ZFHX3: variants seen among roughly 807,000 people sequenced by gnomAD.
ZFHX3 encodes the protein zinc finger homeobox 3, also known as zinc finger homeobox protein 3.
A neutral mutation model predicts 279.1 loss-of-function variants in ZFHX3; 42 were observed. That is an observed-to-expected ratio of 0.15 (90% CI 0.12 to 0.19). The LOEUF (loss-of-function observed/expected upper bound fraction) is 0.19. ZFHX3 is among the 10% of genes least tolerant of loss of function. ZFHX3 has a pLI of 1.00. For synonymous variants in ZFHX3, 2,293 were observed against 1,957.8 expected (o/e 1.17, Z -4.52); for missense variants, 4,981 against 4,754.0 (o/e 1.05, Z -1.40).
At chr16:73,105,364 T>TATACACACACACACATATATATATATAC (rs765197468) in intron 7 of ZFHX3, among the ~76,000 whole-genome samples, 1 of 76,906 alleles carries the variant, frequency 1.3e-5, no homozygotes, top group East Asian at 3.1e-4. Context: ...CACATATATA[T>TATACACACACACACATATATATATATAC]ACACACATAT....
In ZFHX3 at chr16:73,784,796, A is replaced by AATATATAT. The variant is rs1555501447; in HGVS notation, c.-1607-104564_-1607-104557dup. Among the ~76,000 whole-genome samples, 139 of 131,092 alleles carry AATATATAT rather than the reference A, an allele frequency of 1.1e-3. 1 individual carries two copies. Among genetic ancestry groups the AATATATAT allele is most frequent in the Middle Eastern group, 3.8e-3 (1 of 260 alleles). 86.0% of individuals were successfully genotyped at this position (131,092 alleles called of 152,430 possible). On this transcript the variant is annotated intron_variant, in intron 1 of 17. Transcript: ENST00000641206. ...CTATTTTTAACAAAATAAAAAAAAA[A>AATATATAT]ATATATATATATATATATATACACA...
At chr16:73,642,620 C>A (rs1468020328) in intron 2 of ZFHX3, among the ~76,000 whole-genome samples, 2 of 152,116 alleles carry the variant, frequency 1.3e-5, no homozygotes, top group Admixed American at 1.3e-4. Flanking sequence ...TGGTGTGTTC[C>A]TTTATGTGTT....
At chr16:73,615,316 G>C (rs1030340902) in intron 2 of ZFHX3, among the ~76,000 whole-genome samples, 1 of 152,078 alleles carries the variant, frequency 6.6e-6, no homozygotes, top group Non-Finnish European at 1.5e-5. Context: ...ACAGGGCTTG[G>C]TCAGGGGTAA....
chr16:73,728,637 T>C (rs1170094135), intron 1 of ZFHX3, among the ~76,000 whole-genome samples: 1 of 152,144 alleles, frequency 6.6e-6, no homozygotes, highest in African/African-American at 2.4e-5. Flanking sequence ...TGCATTCAGT[T>C]AGAGCTAAAA....
chr16:73,846,705 G>A lies in ZFHX3; in HGVS notation c.-1608+44946C>T, dbSNP rs184969463. ...GAAAACGTGTGATATTCCTACGGTG[G>A]AAGCTCAGGCCTCTCATTCTCAGAG... On this transcript the variant is annotated intron_variant, in intron 1 of 17. Transcript: ENST00000641206. Among the ~76,000 whole-genome samples the A allele has an allele frequency of 1.4e-4, 22 of 152,260 alleles. No homozygotes were observed. The East Asian group carries it at 4.2e-3, about 29-fold the overall frequency.
intron 7 of ZFHX3, among the ~76,000 whole-genome samples, chr16:72,802,029 A>G (rs1443976427): frequency 6.6e-6 from 1 of 152,122 alleles, no homozygotes; most frequent in Non-Finnish European, 1.5e-5. Context: ...ATAAAAAAAA[A>G]GCCCTACAGA....
chr16:72,839,865 C>G (rs527883905), intron 4 of ZFHX3, among the ~76,000 whole-genome samples: 2 of 152,272 alleles, frequency 1.3e-5, no homozygotes, highest in East Asian at 3.9e-4. Flanking sequence ...TTCAACAGAG[C>G]AGACCTGCCT....
At chr16:73,699,540 C>G (rs1388567251) in intron 1 of ZFHX3, among the ~76,000 whole-genome samples, 1 of 152,166 alleles carries the variant, frequency 6.6e-6, no homozygotes, top group Non-Finnish European at 1.5e-5. Context: ...CTGTCAATAT[C>G]TATCCAGGGA....
chr16:72,883,020 G>A (rs1314377017), intron 4 of ZFHX3, among the ~76,000 whole-genome samples: 3 of 147,338 alleles, frequency 2.0e-5, no homozygotes, highest in African/African-American at 7.5e-5. Flanking sequence ...GTGTGTGTGT[G>A]TGTGTGTGTG....
chr16:73,295,774 T>TG (rs2014893981), intron 4 of ZFHX3, among the ~76,000 whole-genome samples: 1 of 152,084 alleles, frequency 6.6e-6, no homozygotes, highest in Non-Finnish European at 1.5e-5. Context: ...GTCAAGGGAC[T>TG]GGGGGGACAA....
chr16:72,996,647 C>T (rs1045912730), intron 1 of ZFHX3, among the ~76,000 whole-genome samples: 2 of 152,238 alleles, frequency 1.3e-5, no homozygotes, highest in South Asian at 4.1e-4. Context: ...GTGGGAACCC[C>T]GCCTGTGCAA....
At chr16:73,691,796 G>T in intron 1 of ZFHX3, among the ~76,000 whole-genome samples, 1 of 152,080 alleles carries the variant, frequency 6.6e-6, no homozygotes, top group East Asian at 1.9e-4. Flanking sequence ...GTTATATAAG[G>T]TAGTCACTTG....
chr16:73,217,603 GT>G (rs1248267748), intron 5 of ZFHX3, among the ~76,000 whole-genome samples: 4 of 152,150 alleles, frequency 2.6e-5, no homozygotes, highest in Non-Finnish European at 4.4e-5. Flanking sequence ...CTCGATGTTG[GT>G]TACTTTTCAA....
At chr16:73,307,672 C>G (rs1597275475) in intron 4 of ZFHX3, among the ~76,000 whole-genome samples, 1 of 152,120 alleles carries the variant, frequency 6.6e-6, no homozygotes, top group African/African-American at 2.4e-5. Context: ...TCACCCTTGG[C>G]CAACTTTCCT....
chr16:73,682,928 A>AG (rs1567550643), intron 1 of ZFHX3, among the ~76,000 whole-genome samples: 29 of 22,120 alleles, frequency 1.3e-3, no homozygotes, highest in South Asian at 0.01. Context: ...GAGAAAGAGA[A>AG]AGAAAGAAAG....
chr16:73,092,492 G>A (rs1035974960), intron 8 of ZFHX3: 1 of 158,780 alleles, frequency 6.3e-6, no homozygotes, highest in Admixed American at 6.1e-5. Flanking sequence ...CAAAGGGCCG[G>A]GGAGAGAAAG....
chr16:73,372,840 G>C (rs970228015), intron 3 of ZFHX3, among the ~76,000 whole-genome samples: 1 of 152,120 alleles, frequency 6.6e-6, no homozygotes, highest in African/African-American at 2.4e-5. Context: ...CCCTCAAAAA[G>C]CTCGCAGCCA....
chr16:72,885,971 A>G (rs144234638), intron 4 of ZFHX3, among the ~76,000 whole-genome samples: 104 of 152,324 alleles, frequency 6.8e-4, no homozygotes, highest in African/African-American at 2.4e-3. Flanking sequence ...AAGAGGACAG[A>G]GTTGGGAATA....
At chr16:73,150,745 G>A (rs568176402) in intron 5 of ZFHX3, among the ~76,000 whole-genome samples, 3 of 152,090 alleles carry the variant, frequency 2.0e-5, no homozygotes, top group East Asian at 3.8e-4. Context: ...GCAAACTCCC[G>A]GATGACAGAG....
Sources: allele counts gnomAD v4.1 joint callset (sites outside exome capture counted in the v4.1 genomes callset), GRCh38; gene constraint gnomAD v4.1.1; transcripts MANE v1.5; gene names NCBI Gene and HGNC (gene_info 2026-07-23, HGNC 2026-07-21).